AGBL1: variants seen among roughly 807,000 people sequenced by gnomAD.
AGBL1 encodes the protein cytosolic carboxypeptidase 4.
A neutral mutation model predicts 118.9 loss-of-function variants in AGBL1; 130 were observed. The observed-to-expected ratio is 1.09, with a 90% CI of 0.95 to 1.26. AGBL1 has a LOEUF of 1.26. AGBL1 is among the 50% of genes most tolerant of loss of function. AGBL1 has a pLI of 0.00. For synonymous variants in AGBL1, 555 were observed against 478.9 expected (o/e 1.16, Z -2.08); for missense variants, 1,584 against 1,298.1 (o/e 1.22, Z -3.38).
At chr15:86,776,987 T>C (rs1275158564) in intron 22 of AGBL1, among the ~76,000 whole-genome samples, 1 of 152,080 alleles carries the variant, frequency 6.6e-6, no homozygotes, top group Non-Finnish European at 1.5e-5. Context: ...TAAGGTTTTT[T>C]TTCTTCTATA....
At chr15:86,153,760 TTA>T (rs1356774184) in intron 3 of AGBL1, among the ~76,000 whole-genome samples, 1 of 152,234 alleles carries the variant, frequency 6.6e-6, no homozygotes, top group Non-Finnish European at 1.5e-5. Context: ...AGATGGCCTA[TTA>T]TATACCTAAA....
At chr15:86,394,525 A>G (rs546427170) in intron 17 of AGBL1, among the ~76,000 whole-genome samples, 22 of 152,250 alleles carry the variant, frequency 1.4e-4, no homozygotes, top group Middle Eastern at 6.8e-3. Flanking sequence ...AACAGGGTGT[A>G]GCAAAAACAT....
At chr15:86,153,441 C>T (rs977720718) in intron 3 of AGBL1, among the ~76,000 whole-genome samples, 9 of 149,164 alleles carry the variant, frequency 6.0e-5, no homozygotes, top group Non-Finnish European at 1.2e-4. Context: ...TGCTCTCACT[C>T]GTAGGTGGGA....
intron 22 of AGBL1, among the ~76,000 whole-genome samples, chr15:86,682,303 A>C (rs1024803448): frequency 1.3e-4 from 20 of 152,168 alleles, no homozygotes; most frequent in Non-Finnish European, 4.4e-5. Flanking sequence ...AGAAGTGCTA[A>C]TTTTAGGCTG....
At chr15:86,876,457 TAAAAG>T (rs1007450833) in intron 22 of AGBL1, among the ~76,000 whole-genome samples, 2 of 152,086 alleles carry the variant, frequency 1.3e-5, no homozygotes, top group Non-Finnish European at 2.9e-5. Context: ...ATGCTGCTGA[TAAAAG>T]AAAACTGACT....
At chr15:86,519,937 C>A (rs2083165454) in intron 18 of AGBL1, among the ~76,000 whole-genome samples, 1 of 152,186 alleles carries the variant, frequency 6.6e-6, no homozygotes, top group Non-Finnish European at 1.5e-5. Context: ...TCAGCAATTT[C>A]TACTGATTAT....
chr15:86,395,286 C>T (rs1372288423), intron 17 of AGBL1, among the ~76,000 whole-genome samples: 6 of 151,954 alleles, frequency 3.9e-5, no homozygotes, highest in South Asian at 2.1e-4. Context: ...TTTAATTCAT[C>T]GACTTTTGCG....
chr15:86,534,580 A>C (rs529750620), intron 19 of AGBL1, among the ~76,000 whole-genome samples: 40 of 152,264 alleles, frequency 2.6e-4, no homozygotes, highest in South Asian at 1.7e-3. Context: ...CATTTTCTTT[A>C]ACCCAGGTTT....
At chr15:86,374,327 G>T (rs1281215167) in intron 17 of AGBL1, among the ~76,000 whole-genome samples, 1 of 152,160 alleles carries the variant, frequency 6.6e-6, no homozygotes, top group Non-Finnish European at 1.5e-5. Context: ...ATGTTTCATG[G>T]ATGCATCTTA....
At chr15:86,972,670 A>G (rs1220982415) in intron 23 of AGBL1, among the ~76,000 whole-genome samples, 2 of 151,964 alleles carry the variant, frequency 1.3e-5, no homozygotes, top group African/African-American at 2.4e-5. Context: ...TGATCACCAA[A>G]TATTTGCATG....
At chr15:86,856,631 A>G (rs1324628101) in intron 22 of AGBL1, among the ~76,000 whole-genome samples, 1 of 152,238 alleles carries the variant, frequency 6.6e-6, no homozygotes, top group African/African-American at 2.4e-5. Flanking sequence ...CTGTGTGTGC[A>G]TTGTCCTTCA....
chr15:86,741,725 A>G (rs988970825), intron 22 of AGBL1, among the ~76,000 whole-genome samples: 4 of 152,052 alleles, frequency 2.6e-5, no homozygotes, highest in Non-Finnish European at 5.9e-5. Context: ...GATGAAAAAG[A>G]TCCTTGGCTC....
At chr15:86,771,177 T>A (rs971853069) in intron 22 of AGBL1, among the ~76,000 whole-genome samples, 2 of 152,026 alleles carry the variant, frequency 1.3e-5, no homozygotes, top group Non-Finnish European at 2.9e-5. Flanking sequence ...TAAGTTGTTA[T>A]GACATTAAGC....
Position 86,224,938 on chromosome 15 carries a change from A to G in AGBL1, c.513A>G (p.Ala171=), listed in dbSNP as rs758908916. The change falls in exon 6 of 23, where the codon GCA becomes GCG. Residue 171 remains alanine, a synonymous_variant. Transcript: ENST00000614907. The part of the protein sequence containing the change: ...AIRAATEVLA[A]LLKSKSNGRR... Reference sequence around the variant, plus strand: ...GGGCAGCCACTGAAGTTTTGGCAGCATTGCTGAAATCCAGTAAGCACCTCT... The same window carrying G: ...GGGCAGCCACTGAAGTTTTGGCAGCGTTGCTGAAATCCAGTAAGCACCTCT... 2.5e-6 allele frequency: 4 copies of G among 1,612,966 alleles called. No individual in the cohort carries two copies. The highest frequency in any genetic ancestry group is 4.5e-5 in the East Asian group (2 of 44,852).
chr15:86,148,419 G>C (rs1374403750), intron 3 of AGBL1, among the ~76,000 whole-genome samples: 2 of 152,142 alleles, frequency 1.3e-5, no homozygotes, highest in Admixed American at 6.6e-5. Context: ...AAACAGTGTG[G>C]AGGAGACCTT....
chr15:86,548,243 C>A lies in AGBL1; in HGVS notation c.2817+2110C>A, dbSNP rs184467380. 1.1e-3 allele frequency among the ~76,000 whole-genome samples: 165 copies of A among 152,256 alleles called. 1 individual carries two copies. The highest frequency in any genetic ancestry group is 8.4e-3 in the Admixed American group (129 of 15,292). ...CATTACCATCAAAAGTGGAACAATT[C>A]TAAACATGTTAAACTTATCTAAGAC... On this transcript the variant is annotated intron_variant, in intron 20 of 22. Transcript: ENST00000614907.
At chr15:86,760,042 G>A (rs1239691137) in intron 22 of AGBL1, among the ~76,000 whole-genome samples, 2 of 152,062 alleles carry the variant, frequency 1.3e-5, no homozygotes, top group African/African-American at 2.4e-5. Flanking sequence ...ACAAGGTAAT[G>A]ACTTCTATGA....
chr15:86,299,221 G>A (rs1056985780), intron 17 of AGBL1, among the ~76,000 whole-genome samples: 118 of 152,194 alleles, frequency 7.8e-4, no homozygotes, highest in Admixed American at 1.6e-3. Flanking sequence ...AGGTCTTCAA[G>A]AGCAAAATCA....
At chr15:86,161,029 C>G (rs1412207613) in intron 5 of AGBL1, among the ~76,000 whole-genome samples, 1 of 152,136 alleles carries the variant, frequency 6.6e-6, no homozygotes, top group Non-Finnish European at 1.5e-5. Flanking sequence ...TTTCCTCCTG[C>G]AAAGGGAGTT....
Sources: allele counts gnomAD v4.1 joint callset (sites outside exome capture counted in the v4.1 genomes callset), GRCh38; gene constraint gnomAD v4.1.1; transcripts MANE v1.5; gene names NCBI Gene and HGNC (gene_info 2026-07-23, HGNC 2026-07-21).